STXBP4: variants seen among roughly 807,000 people sequenced by gnomAD.
STXBP4 encodes the protein syntaxin-binding protein 4.
Under a neutral mutation model 76.1 loss-of-function variants are expected in STXBP4, and 55 were observed. The ratio of observed to expected loss-of-function variants is 0.72; its 90% CI spans 0.58 to 0.91. The LOEUF is 0.91. STXBP4 is among the 40% of genes least tolerant of loss of function. STXBP4 has a pLI of 0.00. For synonymous variants in STXBP4, 201 were observed against 220.2 expected, an observed-to-expected ratio of 0.91 and a Z score of 0.77; for missense variants, 618 against 636.9, an observed-to-expected ratio of 0.97 and a Z score of 0.32.
At chr17:55,073,205 G>T (rs898487072) in intron 13 of STXBP4, 129 bp downstream of exon 13, 2 of 833,264 alleles carry the variant, frequency 2.4e-6, no homozygotes, top group African/African-American at 3.5e-5. Context: ...TCAATGATAG[G>T]ATGCTGTGTC....
chr17:55,135,555 G>T (rs1238107534), intron 16 of STXBP4, among the ~76,000 whole-genome samples: 2 of 151,906 alleles, frequency 1.3e-5, no homozygotes, highest in Non-Finnish European at 2.9e-5. Context: ...TAGTTGAAAT[G>T]CTGCATTATT....
chr17:54,976,539 G>A (rs946882388), intron 1 of STXBP4, among the ~76,000 whole-genome samples: 1 of 152,134 alleles, frequency 6.6e-6, no homozygotes, highest in Non-Finnish European at 1.5e-5. Context: ...CAGCCATCAT[G>A]ACTGCCTTAC....
At chr17:55,025,056 G>A (rs2078387344) in intron 8 of STXBP4, among the ~76,000 whole-genome samples, 1 of 151,974 alleles carries the variant, frequency 6.6e-6, no homozygotes, top group Non-Finnish European at 1.5e-5. Context: ...CAGGAGAATG[G>A]CATGAACCCA....
chr17:55,148,587 G>C (rs995159013), intron 17 of STXBP4, among the ~76,000 whole-genome samples: 2 of 151,044 alleles, frequency 1.3e-5, no homozygotes, highest in East Asian at 1.9e-4. Flanking sequence ...CACCCAGGCT[G>C]GAGTGCAGTG....
At chr17:54,986,369 T>C in intron 3 of STXBP4, 103 bp downstream of exon 3, 1 of 820,354 alleles carries the variant, frequency 1.2e-6, no homozygotes, top group African/African-American at 1.7e-5. Context: ...TCTAATGTGG[T>C]CTAGGATAGC....
chr17:55,118,731 G>C (rs1285334247), intron 16 of STXBP4, among the ~76,000 whole-genome samples: 1 of 151,726 alleles, frequency 6.6e-6, no homozygotes, highest in Non-Finnish European at 1.5e-5. Flanking sequence ...GGACTAAAAA[G>C]GAGTGTTCAG....
chr17:55,006,221 A>C (rs1177995937), intron 7 of STXBP4, among the ~76,000 whole-genome samples: 1 of 152,138 alleles, frequency 6.6e-6, no homozygotes, highest in Non-Finnish European at 1.5e-5. Context: ...GACACCTATA[A>C]GCTATATTAA....
intron 3 of STXBP4, among the ~76,000 whole-genome samples, chr17:54,986,522 G>C (rs1433493016): frequency 6.6e-6 from 1 of 152,144 alleles, no homozygotes. Flanking sequence ...GGGAGACTAG[G>C]ACAGGAGGAT....
At chr17:55,195,394 A>G in the STXBP4 span, among the ~76,000 whole-genome samples, 4 of 152,130 alleles carry the variant, frequency 2.6e-5, no homozygotes, top group African/African-American at 4.8e-5. Flanking sequence ...AACAGTTTGT[A>G]TTTCTTTGAT....
intron 12 of STXBP4, among the ~76,000 whole-genome samples, chr17:55,069,620 C>CTT (rs2079098262): frequency 6.6e-6 from 1 of 152,252 alleles, no homozygotes; most frequent in Non-Finnish European, 1.5e-5. Context: ...TGGGCTAGAA[C>CTT]TTTGCTAAGG....
At chr17:55,173,793 G>A (rs943320462), downstream of STXBP4, among the ~76,000 whole-genome samples, 3 of 152,174 alleles carry the variant, frequency 2.0e-5, no homozygotes, top group Non-Finnish European at 4.4e-5. Context: ...TTACAGTTTT[G>A]TAGGTCAGAA....
At chr17:55,131,436 A>G (rs1338085140) in intron 16 of STXBP4, among the ~76,000 whole-genome samples, 4 of 152,238 alleles carry the variant, frequency 2.6e-5, no homozygotes, top group African/African-American at 9.6e-5. Context: ...TTTCTCTGTC[A>G]GTTTTGAATC....
At chr17:55,046,698 T>C (rs2078794280) in intron 11 of STXBP4, among the ~76,000 whole-genome samples, 1 of 151,928 alleles carries the variant, frequency 6.6e-6, no homozygotes, top group Admixed American at 6.6e-5. Context: ...GGTGAGCCAG[T>C]CTCATATGCC....
chr17:55,065,857 C>T (rs186978159), intron 12 of STXBP4, among the ~76,000 whole-genome samples: 8 of 152,234 alleles, frequency 5.3e-5, no homozygotes, highest in Non-Finnish European at 8.8e-5. Flanking sequence ...ATCAATTTTG[C>T]ACCTTTTGGA....
chr17:55,071,630 T>C (rs2079120441), intron 12 of STXBP4, among the ~76,000 whole-genome samples: 1 of 152,162 alleles, frequency 6.6e-6, no homozygotes, highest in African/African-American at 2.4e-5. Flanking sequence ...AGGCTTTTTG[T>C]CTATATTGTT....
chr17:55,083,188 C>CT (rs972616275), intron 16 of STXBP4, among the ~76,000 whole-genome samples: 8 of 151,898 alleles, frequency 5.3e-5, no homozygotes, highest in African/African-American at 1.9e-4. Context: ...TTGCCCAGGC[C>CT]TGGTCTTGAA....
chr17:55,074,191 T>C (rs921156844), intron 13 of STXBP4, among the ~76,000 whole-genome samples: 7 of 152,172 alleles, frequency 4.6e-5, no homozygotes, highest in Admixed American at 2.0e-4. Context: ...TTAAATACTT[T>C]AAATATAGCA....
At chr17:55,212,244 A>G in the STXBP4 span, among the ~76,000 whole-genome samples, 2 of 152,202 alleles carry the variant, frequency 1.3e-5, no homozygotes, top group African/African-American at 4.8e-5. Flanking sequence ...CCCTAGCTTC[A>G]GTTTTCTTCC....
chr17:55,076,121 G>A (rs911095097), intron 13 of STXBP4, among the ~76,000 whole-genome samples: 4 of 151,876 alleles, frequency 2.6e-5, no homozygotes, highest in Non-Finnish European at 4.4e-5. Context: ...CAAATTTCTG[G>A]CTTGCCTTTT....
Sources: gnomAD v4.1 joint callset for allele counts (sites outside exome capture counted in the v4.1 genomes callset) on GRCh38, gnomAD v4.1.1 for gene constraint, MANE v1.5 for transcripts, NCBI Gene and HGNC (gene_info 2026-07-23, HGNC 2026-07-21) for gene names.